The following FAAH2 variants were observed in gnomAD, a reference collection of about 807,000 sequenced individuals.
FAAH2 encodes fatty-acid amide hydrolase 2.
FAAH2 carries 60 observed loss-of-function variants against 36.9 expected under a neutral mutation model. That is an observed-to-expected ratio of 1.63 (90% CI 1.32 to 2.02). FAAH2 has a LOEUF of 2.02. Ranked by LOEUF, FAAH2 falls within the 30% of genes most tolerant of loss-of-function variation. FAAH2 has a pLI of 0.00. For synonymous variants in FAAH2, 214 were observed against 143.8 expected (o/e 1.49, Z -3.49); for missense variants, 689 against 397.5 (o/e 1.73, Z -6.23).
intron 8 of FAAH2, among the ~76,000 whole-genome samples, chrX:57,439,754 A>C (rs2056505780): frequency 8.9e-6 from 1 of 111,826 alleles, no homozygotes; most frequent in African/African-American, 3.3e-5. Flanking sequence ...TTAAGTCTTT[A>C]ATCCATCTTG....
intron 5 of FAAH2, among the ~76,000 whole-genome samples, chrX:57,358,310 T>C (rs2054209449): frequency 9.0e-6 from 1 of 111,238 alleles, no homozygotes; most frequent in Non-Finnish European, 1.9e-5. Flanking sequence ...TTTATTCATC[T>C]TGCATAACCA....
chrX:57,146,474 T>C, the FAAH2 span, among the ~76,000 whole-genome samples: 2 of 111,639 alleles, frequency 1.8e-5, no homozygotes, highest in South Asian at 3.7e-4. Flanking sequence ...TGAAAGTCTT[T>C]AGGGTTTTCT....
intron 5 of FAAH2, among the ~76,000 whole-genome samples, chrX:57,354,757 G>A (rs191567976): frequency 1.3e-3 from 147 of 110,092 alleles, no homozygotes; most frequent in African/African-American, 4.6e-3. Flanking sequence ...TTAATTATGG[G>A]TATTTTTTGC....
intron 7 of FAAH2, among the ~76,000 whole-genome samples, chrX:57,409,707 T>A (rs1168117883): frequency 1.8e-5 from 2 of 111,289 alleles, no homozygotes; most frequent in Non-Finnish European, 3.8e-5. Context: ...TTTATATTAG[T>A]CTCTTACAAT....
chrX:57,285,082 C>A (rs754274747), upstream of FAAH2, among the ~76,000 whole-genome samples: 24 of 112,503 alleles, frequency 2.1e-4, no homozygotes, highest in Non-Finnish European at 3.4e-4. Context: ...ACAGGTTTTG[C>A]TCAGAACTGT....
the FAAH2 span, among the ~76,000 whole-genome samples, chrX:57,212,699 G>A: frequency 8.9e-6 from 1 of 112,148 alleles, no homozygotes; most frequent in African/African-American, 3.2e-5. Flanking sequence ...GAATTCAAAA[G>A]CCTTTGAAAA....
chrX:57,292,765 C>T (rs911716814), intron 2 of FAAH2, among the ~76,000 whole-genome samples, 185 bp downstream of exon 2: 1 of 111,633 alleles, frequency 9.0e-6, no homozygotes, highest in African/African-American at 3.3e-5. Context: ...GATTATTTGT[C>T]TGCATCCTCC....
At chrX:57,402,541 G>GT (rs1239976855) in intron 7 of FAAH2, among the ~76,000 whole-genome samples, 1 of 111,639 alleles carries the variant, frequency 9.0e-6, no homozygotes, top group Admixed American at 9.5e-5. Flanking sequence ...ACTTTTGAAG[G>GT]TTTTTTTCTA....
the FAAH2 span, among the ~76,000 whole-genome samples, chrX:57,272,297 G>A: frequency 9.0e-6 from 1 of 111,042 alleles, no homozygotes; most frequent in Non-Finnish European, 1.9e-5. Context: ...ATCTGAAAGT[G>A]ATGGGGAGAA....
intron 5 of FAAH2, among the ~76,000 whole-genome samples, chrX:57,347,570 C>T (rs926152485): frequency 1.0e-5 from 1 of 97,388 alleles, no homozygotes; most frequent in Non-Finnish European, 2.0e-5. Context: ...GTCAAAAAGG[C>T]TAGTTTGTTT....
chrX:57,381,886 C>T (rs1259008696), intron 7 of FAAH2, among the ~76,000 whole-genome samples: 1 of 111,612 alleles, frequency 9.0e-6, no homozygotes, highest in Non-Finnish European at 1.9e-5. Context: ...TTCTCAGCAC[C>T]AAACCACACC....
intron 5 of FAAH2, among the ~76,000 whole-genome samples, chrX:57,348,149 T>C (rs1282847035): frequency 9.1e-6 from 1 of 110,233 alleles, no homozygotes; most frequent in Non-Finnish European, 1.9e-5. Flanking sequence ...TGCCTTTGCC[T>C]CAGAGAATGC....
At chrX:57,261,070 T>TACAAAG in the FAAH2 span, among the ~76,000 whole-genome samples, 1 of 111,861 alleles carries the variant, frequency 8.9e-6, no homozygotes, top group Non-Finnish European at 1.9e-5. Context: ...CTTTTGTTTA[T>TACAAAG]ACAAAGACTT....
chrX:57,317,872 C>T (rs766696190), intron 3 of FAAH2, among the ~76,000 whole-genome samples: 3 of 111,950 alleles, frequency 2.7e-5, no homozygotes, highest in Admixed American at 9.5e-5. Context: ...TCACTCAAAA[C>T]GGCACAACTA....
At chrX:57,261,824 G>C in the FAAH2 span, among the ~76,000 whole-genome samples, 1 of 110,748 alleles carries the variant, frequency 9.0e-6, no homozygotes, top group Non-Finnish European at 1.9e-5. Flanking sequence ...TTAGTTATGA[G>C]ATTAATTCAT....
intron 7 of FAAH2, among the ~76,000 whole-genome samples, chrX:57,398,569 A>G (rs915771758): frequency 3.6e-5 from 4 of 109,729 alleles, no homozygotes; most frequent in South Asian, 7.9e-4. Context: ...TGCAGTTGCA[A>G]GATTTAATAG....
chrX:57,234,571 C>T, the FAAH2 span, among the ~76,000 whole-genome samples: 4 of 111,372 alleles, frequency 3.6e-5, no homozygotes, highest in Non-Finnish European at 3.8e-5. Flanking sequence ...CTGGACAGTC[C>T]CATCTTGGGG....
chrX:57,462,365 T>G (rs754391405), intron 10 of FAAH2, among the ~76,000 whole-genome samples: 2 of 110,476 alleles, frequency 1.8e-5, no homozygotes, highest in African/African-American at 6.6e-5. Flanking sequence ...AAACAGAAAA[T>G]TTCAGGCCAG....
At chrX:57,135,137 G>C in the FAAH2 span, 1 of 111,294 alleles carries the variant, frequency 9.0e-6, no homozygotes, top group Non-Finnish European at 1.9e-5. Context: ...TCCTTCCTCA[G>C]TGGCCCTCTT....
Sources: allele counts gnomAD v4.1 joint callset (sites outside exome capture counted in the v4.1 genomes callset), GRCh38; gene constraint gnomAD v4.1.1; transcripts MANE v1.5; gene names NCBI Gene and HGNC (gene_info 2026-07-23, HGNC 2026-07-21).